The following GALNT17 variants were observed in gnomAD, a reference collection of about 807,000 sequenced individuals.
The protein encoded by GALNT17 is UDP-GalNAc:polypeptide N-acetylgalactosaminyltransferase-like 3.
Under a neutral mutation model 63.7 loss-of-function variants are expected in GALNT17, and 29 were observed. The ratio of observed to expected loss-of-function variants is 0.46; its 90% CI spans 0.34 to 0.62. The LOEUF is 0.62. Among genes scored for constraint, GALNT17 ranks in the 20% least tolerant of loss-of-function variants. The probability of loss-of-function intolerance (pLI) is 0.01; values close to 1 mark genes in which losing one functional copy is unlikely to be tolerated. For missense variants in GALNT17, 603 were observed against 799.6 expected (o/e 0.75, Z 2.97); for synonymous variants, 305 against 318.3 (o/e 0.96, Z 0.45).
At chr7:71,438,885 C>CTTT (rs199548314) in intron 5 of GALNT17, among the ~76,000 whole-genome samples, 3 of 138,256 alleles carry the variant, frequency 2.2e-5, no homozygotes, top group African/African-American at 7.9e-5. Flanking sequence ...AAAAGATAGA[C>CTTT]TTTTTTTTTT....
chr7:71,305,791 G>T (rs770899162), intron 1 of GALNT17, among the ~76,000 whole-genome samples: 5 of 152,104 alleles, frequency 3.3e-5, no homozygotes, highest in Non-Finnish European at 5.9e-5. Flanking sequence ...CTAACTCCAC[G>T]GACTGGCCTT....
chr7:71,185,046 C>CCCTT (rs1554336507), intron 1 of GALNT17, among the ~76,000 whole-genome samples: 1 of 125,252 alleles, frequency 8.0e-6, no homozygotes, highest in African/African-American at 3.9e-5. Context: ...CTCTTCCTCC[C>CCCTT]CCTCCTCCTC....
At chr7:71,266,371 T>C (rs1005468102) in intron 1 of GALNT17, among the ~76,000 whole-genome samples, 13 of 152,214 alleles carry the variant, frequency 8.5e-5, no homozygotes, top group African/African-American at 3.1e-4. Context: ...GTTCTCATGA[T>C]AGAATCCTCA....
chr7:71,686,821 C>A (rs1242282815), intron 9 of GALNT17, among the ~76,000 whole-genome samples: 2 of 152,132 alleles, frequency 1.3e-5, no homozygotes, highest in African/African-American at 4.8e-5. Context: ...CAGCTTTGTC[C>A]CCGAGCTGAG....
Position 71,570,984 on chromosome 7 carries a change from A to C in GALNT17, c.963-301A>C, listed in dbSNP as rs889622234. Among the ~76,000 whole-genome samples the C allele has an allele frequency of 2.6e-5, 4 of 152,274 alleles. No homozygotes were observed. In the South Asian group the frequency reaches 8.3e-4, roughly 32 times the overall value. On this transcript the variant is annotated intron_variant, in intron 5 of 10. Coordinates refer to ENST00000333538, the MANE Select transcript of GALNT17 (RefSeq NM_022479.3). ...GAAGAGCAAAACTCCGACTCAAAAC[A>C]AAAACAAAAACAAAAAACAGCCTTA... is the stretch of plus-strand genomic sequence containing the variant.
chr7:71,227,152 A>G (rs1401626983), intron 1 of GALNT17, among the ~76,000 whole-genome samples: 1 of 140,624 alleles, frequency 7.1e-6, no homozygotes, highest in Admixed American at 7.4e-5. Flanking sequence ...AGCCTGGGCA[A>G]GATAGGGAGA....
chr7:71,303,067 G>A (rs112033351), intron 1 of GALNT17, among the ~76,000 whole-genome samples: 2,932 of 152,024 alleles, frequency 0.019, 82 homozygotes, highest in African/African-American at 0.066. Flanking sequence ...GTTTCACCAC[G>A]TTGGCCAGGG....
At chr7:71,218,466 C>T (rs565678381) in intron 1 of GALNT17, among the ~76,000 whole-genome samples, 15 of 152,254 alleles carry the variant, frequency 9.9e-5, no homozygotes, top group African/African-American at 1.9e-4. Context: ...TGCTATGTTT[C>T]GTGTCCTGTT....
intron 5 of GALNT17, among the ~76,000 whole-genome samples, chr7:71,456,130 C>T (rs1787351118): frequency 6.6e-6 from 1 of 152,028 alleles, no homozygotes; most frequent in Non-Finnish European, 1.5e-5. Context: ...CCTGTAGTCC[C>T]AGCTATTCAG....
intron 5 of GALNT17, among the ~76,000 whole-genome samples, chr7:71,509,544 T>C (rs1041327047): frequency 2.0e-5 from 3 of 152,250 alleles, no homozygotes; most frequent in Non-Finnish European, 4.4e-5. Flanking sequence ...GTTGTGTAGC[T>C]AGGGAAACAC....
At chr7:71,392,303 T>G (rs1563059393) in intron 3 of GALNT17, among the ~76,000 whole-genome samples, 1 of 151,976 alleles carries the variant, frequency 6.6e-6, no homozygotes, top group African/African-American at 2.4e-5. Context: ...CCCAAAAGAT[T>G]GGTAGTGTGG....
chr7:71,684,218 C>T (rs757040542), intron 9 of GALNT17, among the ~76,000 whole-genome samples: 28 of 152,188 alleles, frequency 1.8e-4, no homozygotes, highest in Non-Finnish European at 3.1e-4. Flanking sequence ...CTACCCTGCA[C>T]GGAGAGCACC....
In GALNT17 at chr7:71,238,358, A is replaced by AATTT. The variant is rs543824834; in HGVS notation, c.239-97178_239-97175dup. Among the ~76,000 whole-genome samples the AATTT allele has an allele frequency of 2.8e-3, 430 of 152,014 alleles. 4 individuals are homozygous for AATTT. The highest frequency in any genetic ancestry group is 3.5e-3 in the Non-Finnish European group (240 of 67,978). On this transcript the variant is annotated intron_variant, in intron 1 of 10. Coordinates refer to ENST00000333538, the MANE Select transcript of GALNT17 (RefSeq NM_022479.3). ...CACATTTGCATCTAGCTGCATTCGG[A>AATTT]ATTTATTTATTTATTTAGAGAGACA...
At chr7:71,350,078 T>A (rs1792164044) in intron 2 of GALNT17, among the ~76,000 whole-genome samples, 1 of 152,210 alleles carries the variant, frequency 6.6e-6, no homozygotes, top group Non-Finnish European at 1.5e-5. Flanking sequence ...TCAGGGGAAT[T>A]CTTGTGTAAG....
chr7:71,527,739 A>G (rs1370237318), intron 5 of GALNT17, among the ~76,000 whole-genome samples: 2 of 152,206 alleles, frequency 1.3e-5, no homozygotes, highest in Admixed American at 1.3e-4. Context: ...TTTTATACTT[A>G]AACACTGGCA....
chr7:71,288,312 G>A (rs186789749), intron 1 of GALNT17, among the ~76,000 whole-genome samples: 55 of 151,628 alleles, frequency 3.6e-4, no homozygotes, highest in East Asian at 7.8e-4. Flanking sequence ...CATCCTCATC[G>A]TATTCATGTT....
At chr7:71,617,502 A>G (rs577745392) in intron 6 of GALNT17, among the ~76,000 whole-genome samples, 89 of 150,542 alleles carry the variant, frequency 5.9e-4, no homozygotes, top group Non-Finnish European at 1.2e-3. Flanking sequence ...TTGTATTTTT[A>G]GTAGAGACAG....
At chr7:71,661,442 C>G (rs917187594) in intron 6 of GALNT17, among the ~76,000 whole-genome samples, 4 of 152,066 alleles carry the variant, frequency 2.6e-5, no homozygotes, top group Admixed American at 1.3e-4. Flanking sequence ...AGGGGAGGGG[C>G]CTGTGAAAGT....
intron 5 of GALNT17, among the ~76,000 whole-genome samples, chr7:71,482,275 G>A (rs1054580586): frequency 6.6e-6 from 1 of 151,832 alleles, no homozygotes. Context: ...TCAGCCTCCA[G>A]AGTAGCTGGG....
Sources: gnomAD v4.1 joint callset for allele counts (sites outside exome capture counted in the v4.1 genomes callset) on GRCh38, gnomAD v4.1.1 for gene constraint, MANE v1.5 for transcripts, NCBI Gene and HGNC (gene_info 2026-07-23, HGNC 2026-07-21) for gene names.